The following ZRANB3 variants were observed in gnomAD, a reference collection of about 807,000 sequenced individuals.
The protein encoded by ZRANB3 is DNA annealing helicase and endonuclease ZRANB3.
Under a neutral mutation model 133.8 loss-of-function variants are expected in ZRANB3, and 125 were observed. The observed-to-expected ratio is 0.93, with a 90% CI of 0.81 to 1.08. ZRANB3 has a LOEUF of 1.08. ZRANB3 is among the 50% of genes least tolerant of loss of function. The pLI, the probability that ZRANB3 is intolerant of heterozygous loss-of-function variation, is 0.00. For synonymous variants in ZRANB3, 387 were observed against 432.7 expected (o/e 0.89, Z 1.31); for missense variants, 1,229 against 1,275.5 (o/e 0.96, Z 0.56).
At chr2:135,488,153 G>A (rs12104642) in intron 2 of ZRANB3, among the ~76,000 whole-genome samples, 10,349 of 152,082 alleles carry the variant, frequency 0.068, 721 homozygotes, top group African/African-American at 0.18. Flanking sequence ...AGAGCCAGTC[G>A]GTGGAGCAGT....
chr2:135,223,785 C>G (rs1047360183), intron 15 of ZRANB3, among the ~76,000 whole-genome samples: 1 of 152,092 alleles, frequency 6.6e-6, no homozygotes, highest in Non-Finnish European at 1.5e-5. Context: ...CTAAGCTAGC[C>G]TATGGCAGGA....
chr2:135,262,313 T>C (rs1426226654), intron 12 of ZRANB3, among the ~76,000 whole-genome samples: 1 of 152,074 alleles, frequency 6.6e-6, no homozygotes, highest in Admixed American at 6.6e-5. Flanking sequence ...ATTAAAAATT[T>C]AATACAATTC....
chr2:135,209,070 A>ATT, intron 17 of ZRANB3, 92 bp from the exon 18 acceptor site: 1 of 1,199,588 alleles, frequency 8.3e-7, no homozygotes, highest in Non-Finnish European at 1.2e-6. Flanking sequence ...AAGCAATAGA[A>ATT]GAAAAAGCAA....
At chr2:135,230,378 G>A (rs1694945679) in intron 13 of ZRANB3, 135 bp downstream of exon 13, 21 of 690,060 alleles carry the variant, frequency 3.0e-5, no homozygotes, top group Non-Finnish European at 4.3e-5. Flanking sequence ...ACTATAAGAA[G>A]CTCTTATTCC....
intron 16 of ZRANB3, 136 bp from the exon 17 acceptor site, chr2:135,217,743 G>A (rs1694370946): frequency 9.7e-7 from 1 of 1,035,456 alleles, no homozygotes. Context: ...CATAACCTAA[G>A]GCTTTCTTCA....
intron 1 of ZRANB3, among the ~76,000 whole-genome samples, chr2:135,508,223 C>T (rs565286993): frequency 5.9e-5 from 9 of 152,196 alleles, no homozygotes; most frequent in African/African-American, 1.7e-4. Flanking sequence ...CTGCAAGCTC[C>T]GCCTCCTGGG....
intron 6 of ZRANB3, among the ~76,000 whole-genome samples, chr2:135,323,364 C>T (rs1451256862): frequency 6.6e-6 from 1 of 152,124 alleles, no homozygotes; most frequent in Non-Finnish European, 1.5e-5. Flanking sequence ...AGAAAGGGGA[C>T]ACAATCTAAT....
chr2:135,397,937 G>A (rs1217867624), intron 2 of ZRANB3, among the ~76,000 whole-genome samples: 1 of 152,198 alleles, frequency 6.6e-6, no homozygotes, highest in African/African-American at 2.4e-5. Flanking sequence ...TGTAGCAGAA[G>A]TGGCTGTTTC....
intron 8 of ZRANB3, among the ~76,000 whole-genome samples, chr2:135,280,718 T>G (rs181823909): frequency 1.5e-4 from 23 of 152,256 alleles, no homozygotes; most frequent in Admixed American, 1.5e-3. Flanking sequence ...AGTTATTTGA[T>G]TTCAAATTGT....
chr2:135,262,455 T>A (rs575097698), intron 12 of ZRANB3, among the ~76,000 whole-genome samples: 1 of 152,234 alleles, frequency 6.6e-6, no homozygotes, highest in African/African-American at 2.4e-5. Context: ...AAAATTAAAC[T>A]CTCTATAACT....
chr2:135,511,108 C>T (rs1395195241), intron 1 of ZRANB3: 10 of 768,532 alleles, frequency 1.3e-5, no homozygotes, highest in Non-Finnish European at 2.2e-5. Flanking sequence ...GGCTGTGAAG[C>T]TAGTACTTTA....
At chr2:135,230,077 A>G (rs1023758795) in intron 13 of ZRANB3, among the ~76,000 whole-genome samples, 1 of 152,236 alleles carries the variant, frequency 6.6e-6, no homozygotes, top group Admixed American at 6.5e-5. Flanking sequence ...TGACTAGGCA[A>G]AGAAGCTACA....
rs111960876 is a variant in ZRANB3 at position 135,214,391 on chromosome 2, G to C, written c.2495+3074C>G. Among the ~76,000 whole-genome samples the C allele has an allele frequency of 3.0e-3, 449 of 151,808 alleles. 2 individuals are homozygous for C. Among genetic ancestry groups the C allele is most frequent in the African/African-American group, 0.01 (418 of 41,434 alleles). ...ACAAGTTATATCCTTAATATATTAT[G>C]TATATATAATTTTATAAATAATATT... is the stretch of plus-strand genomic sequence containing the variant. On this transcript the variant is annotated intron_variant, in intron 17 of 20. Coordinates refer to ENST00000264159, the MANE Select transcript of ZRANB3 (RefSeq NM_032143.4).
chr2:135,254,897 C>A (rs546033805), intron 12 of ZRANB3, among the ~76,000 whole-genome samples: 2 of 151,896 alleles, frequency 1.3e-5, no homozygotes, highest in African/African-American at 4.8e-5. Flanking sequence ...ACTACAGGCA[C>A]ACACCGCCAC....
rs369563317 is a variant in ZRANB3 at position 135,323,334 on chromosome 2, T to C, written c.678-7804A>G. Among the ~76,000 whole-genome samples, 7 of 152,128 alleles carry C rather than the reference T, an allele frequency of 4.6e-5. No homozygotes were observed. The South Asian group carries it at 8.3e-4, about 18-fold the overall frequency. ...TCTGGTTTATCATCCAAGAAGAATA[T>C]TATAGACTAGACAAGATTTAGAAAG... On this transcript the variant is annotated intron_variant, in intron 6 of 20. Transcript: ENST00000264159.
chr2:135,480,158 G>A (rs1351395617), intron 2 of ZRANB3, among the ~76,000 whole-genome samples: 2 of 151,334 alleles, frequency 1.3e-5, no homozygotes, highest in Non-Finnish European at 2.9e-5. Flanking sequence ...TAGCCAGGAA[G>A]GTCTCGATCT....
At chr2:135,287,940 G>C (rs1681466947) in intron 8 of ZRANB3, among the ~76,000 whole-genome samples, 1 of 151,960 alleles carries the variant, frequency 6.6e-6, no homozygotes, top group Non-Finnish European at 1.5e-5. Flanking sequence ...TCTCTTGTCT[G>C]ACTGCTCTGG....
In ZRANB3 at chr2:135,391,602, C is replaced by G. The variant is rs970003793; in HGVS notation, c.162-782G>C. Reference sequence around the variant, plus strand: ...TCTTTCTTTTTTTTTTTTTTTGAGACGGAGTCTCGCTCTGTTGCCCAGGCT... The same window carrying G: ...TCTTTCTTTTTTTTTTTTTTTGAGAGGGAGTCTCGCTCTGTTGCCCAGGCT... On this transcript the variant is annotated intron_variant, in intron 2 of 20. Transcript: ENST00000264159. Among the ~76,000 whole-genome samples, 28 of 140,870 alleles carry G rather than the reference C, an allele frequency of 2.0e-4. No individual in the cohort carries two copies. In the Admixed American group the frequency reaches 2.0e-3, roughly 10 times the overall value. The allele number at this position is 140,870 out of a possible 152,430, so 92.4% of individuals were successfully genotyped here. A position where few individuals can be genotyped will look rare whatever the true frequency, so the allele number is the denominator to read the frequency against.
At chr2:135,506,212 G>A (rs905534497) in intron 1 of ZRANB3, among the ~76,000 whole-genome samples, 1 of 151,984 alleles carries the variant, frequency 6.6e-6, no homozygotes, top group African/African-American at 2.4e-5. Flanking sequence ...TCAACGTGGC[G>A]AAACACTGTC....
Sources: allele counts gnomAD v4.1 joint callset (sites outside exome capture counted in the v4.1 genomes callset), GRCh38; gene constraint gnomAD v4.1.1; transcripts MANE v1.5; gene names NCBI Gene and HGNC (gene_info 2026-07-23, HGNC 2026-07-21).